KIFAP3: variants seen among roughly 807,000 people sequenced by gnomAD.
KIFAP3 encodes the protein kinesin associated protein 3.
Under a neutral mutation model 106.5 loss-of-function variants are expected in KIFAP3, and 68 were observed. The observed-to-expected ratio is 0.64, with a 90% CI of 0.53 to 0.78. KIFAP3 has a LOEUF of 0.78. Among genes scored for constraint, KIFAP3 ranks in the 30% least tolerant of loss-of-function variants. The probability of loss-of-function intolerance (pLI) is 0.00; values close to 1 mark genes in which losing one functional copy is unlikely to be tolerated. For missense variants in KIFAP3, 780 were observed against 941.8 expected (o/e 0.83, Z 2.25); for synonymous variants, 320 against 311.5 (o/e 1.03, Z -0.29).
intron 1 of KIFAP3, among the ~76,000 whole-genome samples, chr1:170,072,891 C>A (rs1671769123): frequency 6.6e-6 from 1 of 152,042 alleles, no homozygotes; most frequent in South Asian, 2.1e-4. Flanking sequence ...TATTTTTCAA[C>A]CTTTTCAGAC....
At chr1:170,010,635 A>T (rs909796313) in intron 10 of KIFAP3, among the ~76,000 whole-genome samples, 2 of 151,996 alleles carry the variant, frequency 1.3e-5, no homozygotes, top group African/African-American at 4.8e-5. Flanking sequence ...TCACAACAGC[A>T]GGGGTCGCAA....
At chr1:170,071,545 AACAC>A (rs1671705460) in intron 1 of KIFAP3, among the ~76,000 whole-genome samples, 1 of 152,186 alleles carries the variant, frequency 6.6e-6, no homozygotes, top group Non-Finnish European at 1.5e-5. Flanking sequence ...GCTTCATTAT[AACAC>A]AGTGGACAAG....
chr1:170,031,411 C>T (rs981443456), intron 8 of KIFAP3, among the ~76,000 whole-genome samples: 3 of 151,800 alleles, frequency 2.0e-5, no homozygotes, highest in Middle Eastern at 3.4e-3. Flanking sequence ...TATCACTAAC[C>T]ACCATAAGAT....
chr1:170,057,659 C>T (rs1486308350), intron 1 of KIFAP3, among the ~76,000 whole-genome samples: 1 of 150,516 alleles, frequency 6.6e-6, no homozygotes, highest in African/African-American at 2.4e-5. Flanking sequence ...ATCATTTTAT[C>T]TTAAATGCTG....
intron 2 of KIFAP3, among the ~76,000 whole-genome samples, chr1:170,051,028 T>C (rs1349418481): frequency 6.6e-6 from 1 of 151,874 alleles, no homozygotes; most frequent in East Asian, 1.9e-4. Flanking sequence ...AATGCCTCAA[T>C]TGAAAGACAC....
At chr1:170,045,580 G>A (rs1375655159) in intron 3 of KIFAP3, among the ~76,000 whole-genome samples, 1 of 152,074 alleles carries the variant, frequency 6.6e-6, no homozygotes, top group African/African-American at 2.4e-5. Context: ...TGGAATACTA[G>A]AGATAAAAAT....
intron 17 of KIFAP3, 148 bp from the exon 18 acceptor site, chr1:169,961,383 A>G (rs548956073): frequency 2.7e-5 from 15 of 564,396 alleles, no homozygotes; most frequent in East Asian, 1.1e-4. Context: ...ATTTTATATA[A>G]TAGCCAACAA....
At chr1:169,944,790 C>T (rs76741109) in intron 19 of KIFAP3, among the ~76,000 whole-genome samples, 2,025 of 152,148 alleles carry the variant, frequency 0.013, 53 homozygotes, top group African/African-American at 0.044. Context: ...GTAATCCCCA[C>T]GTCTGTATGA....
chr1:169,970,117 C>T lies in KIFAP3; in HGVS notation c.1983+2396G>A, dbSNP rs189697730. On this transcript the variant is annotated intron_variant, in intron 17 of 19. Coordinates refer to ENST00000361580, the MANE Select transcript of KIFAP3 (RefSeq NM_014970.4). Reference sequence around the variant, plus strand: ...CTTCCCTTCATGATTCCCATGATTGCCTTCATGGAAGAGAAAAAGGCAATG... The same window carrying T: ...CTTCCCTTCATGATTCCCATGATTGTCTTCATGGAAGAGAAAAAGGCAATG... 1.7e-4 allele frequency among the ~76,000 whole-genome samples: 26 copies of T among 152,004 alleles called. No individual in the cohort carries two copies. In the East Asian group the frequency reaches 4.4e-3, roughly 26 times the overall value.
At chr1:169,994,074 A>G (rs1667254649) in intron 10 of KIFAP3, among the ~76,000 whole-genome samples, 1 of 152,230 alleles carries the variant, frequency 6.6e-6, no homozygotes. Flanking sequence ...TTGGTTAATA[A>G]TAATTTATTA....
At chr1:170,051,126 T>C (rs1370151973) in intron 2 of KIFAP3, among the ~76,000 whole-genome samples, 1 of 113,944 alleles carries the variant, frequency 8.8e-6, no homozygotes, top group Non-Finnish European at 1.9e-5. Flanking sequence ...AGGCTCAAAA[T>C]AAAGGAATGG....
intron 3 of KIFAP3, among the ~76,000 whole-genome samples, chr1:170,039,771 T>A (rs1238449299): frequency 6.6e-6 from 1 of 152,282 alleles, no homozygotes; most frequent in East Asian, 1.9e-4. Flanking sequence ...TAACTGGTTC[T>A]TTTTTAACAA....
intron 19 of KIFAP3, among the ~76,000 whole-genome samples, chr1:169,931,986 C>T (rs1663513783): frequency 6.6e-6 from 1 of 152,112 alleles, no homozygotes; most frequent in Non-Finnish European, 1.5e-5. Flanking sequence ...CACTTCCAGC[C>T]ATCAGTTATA....
chr1:170,020,354 AT>A (rs200229541), intron 9 of KIFAP3, among the ~76,000 whole-genome samples: 13,367 of 152,226 alleles, frequency 0.088, 1,533 homozygotes, highest in African/African-American at 0.26. Flanking sequence ...CTAAGAGGCT[AT>A]AGTAATCAAG....
chr1:169,942,461 A>G (rs1664178842), intron 19 of KIFAP3, among the ~76,000 whole-genome samples: 1 of 152,212 alleles, frequency 6.6e-6, no homozygotes, highest in Non-Finnish European at 1.5e-5. Context: ...ACTTGACTGG[A>G]TAAAGTAGGT....
intron 8 of KIFAP3, among the ~76,000 whole-genome samples, chr1:170,031,668 A>G (rs1669418747): frequency 6.6e-6 from 1 of 151,792 alleles, no homozygotes; most frequent in South Asian, 2.1e-4. Context: ...GAAATAAATA[A>G]TAAGTATACA....
intron 8 of KIFAP3, among the ~76,000 whole-genome samples, chr1:170,026,369 A>T (rs1669103407): frequency 6.6e-6 from 1 of 152,222 alleles, no homozygotes; most frequent in African/African-American, 2.4e-5. Context: ...TAACTGAAAT[A>T]CACAAAACAA....
chr1:169,957,662 T>C (rs1291439750), intron 18 of KIFAP3, among the ~76,000 whole-genome samples: 1 of 152,100 alleles, frequency 6.6e-6, no homozygotes, highest in African/African-American at 2.4e-5. Context: ...GAGTCTCGCT[T>C]TGTTGCCCAG....
chr1:170,020,497 C>T (rs1461080949), intron 9 of KIFAP3, among the ~76,000 whole-genome samples: 1 of 152,080 alleles, frequency 6.6e-6, no homozygotes, highest in African/African-American at 2.4e-5. Context: ...CTCTGTCGCC[C>T]AGGCTGGAGC....
Sources: allele counts gnomAD v4.1 joint callset (sites outside exome capture counted in the v4.1 genomes callset), GRCh38; gene constraint gnomAD v4.1.1; transcripts MANE v1.5; gene names NCBI Gene and HGNC (gene_info 2026-07-23, HGNC 2026-07-21).